The following OR9Q1 variants were observed in gnomAD, a reference collection of about 807,000 sequenced individuals.
The protein encoded by OR9Q1 is olfactory receptor family 9 subfamily Q member 1.
For synonymous variants in OR9Q1, 153 were observed against 148.6 expected (o/e 1.03, Z -0.22); for missense variants, 374 against 378.8 (o/e 0.99, Z 0.11).
At chr11:58,169,340 G>A (rs941047131) in intron 2 of OR9Q1, among the ~76,000 whole-genome samples, 1 of 152,036 alleles carries the variant, frequency 6.6e-6, no homozygotes, top group South Asian at 2.1e-4. Flanking sequence ...TTGTTTTTAA[G>A]CTCAAATAAA....
In OR9Q1 at chr11:58,168,310, T is replaced by C. The variant is rs17152464; in HGVS notation, c.-14-11121T>C. On this transcript the variant is annotated intron_variant, in intron 2 of 2. Transcript: ENST00000335397. ...GTTAACATTCCTACACATGCTTTTATGTTTTCACTCCATATTTGTGTCTCC... is the reference window on the plus strand; with the variant it reads ...GTTAACATTCCTACACATGCTTTTACGTTTTCACTCCATATTTGTGTCTCC... Among the ~76,000 whole-genome samples, 1,072 of 152,342 alleles carry C rather than the reference T, an allele frequency of 7.0e-3. 10 individuals carry two copies. Among genetic ancestry groups the C allele is most frequent in the African/African-American group, 0.019 (775 of 41,572 alleles).
chr11:58,074,382 T>G lies in OR9Q1; in HGVS notation c.-15+18435T>G, dbSNP rs373069182. On this transcript the variant is annotated intron_variant, in intron 2 of 2. Coordinates refer to ENST00000335397, the MANE Select transcript of OR9Q1 (RefSeq NM_001005212.4). ...CAGTGATGATGAGCTTGTTTTCATA[T>G]GTTTGTTGGCCACATAAATATCTTC... Among the ~76,000 whole-genome samples the G allele has an allele frequency of 6.5e-4, 99 of 152,352 alleles. 3 individuals carry two copies. The South Asian group carries it at 0.019, about 30-fold the overall frequency.
At chr11:58,076,882 T>A (rs1853543254) in intron 2 of OR9Q1, among the ~76,000 whole-genome samples, 1 of 152,184 alleles carries the variant, frequency 6.6e-6, no homozygotes, top group African/African-American at 2.4e-5. Flanking sequence ...TAAATGAATA[T>A]ATGTGAATCC....
intron 2 of OR9Q1, among the ~76,000 whole-genome samples, chr11:58,141,975 C>G (rs1370323173): frequency 6.6e-6 from 1 of 152,144 alleles, no homozygotes; most frequent in African/African-American, 2.4e-5. Flanking sequence ...GTTTTGTAAT[C>G]AGAGAAGGGT....
At chr11:58,065,121 T>C (rs1254947894) in intron 2 of OR9Q1, among the ~76,000 whole-genome samples, 2 of 151,968 alleles carry the variant, frequency 1.3e-5, no homozygotes, top group Non-Finnish European at 2.9e-5. Context: ...ACAGAGGGGC[T>C]ATGGAGTGGA....
intron 1 of OR9Q1, chr11:58,047,488 G>A (rs1410160088): frequency 6.6e-6 from 1 of 152,140 alleles, no homozygotes; most frequent in Non-Finnish European, 1.5e-5. Context: ...CATCTTTGGC[G>A]AAGAAAACCT....
intron 2 of OR9Q1, chr11:58,059,948 C>A (rs1162087263): frequency 2.0e-5 from 3 of 152,134 alleles, no homozygotes; most frequent in Non-Finnish European, 4.4e-5. Context: ...ACTCTCCAGG[C>A]TTCTCTGTAA....
chr11:58,155,588 C>G lies in OR9Q1; in HGVS notation c.-14-23843C>G, dbSNP rs1321265354. 1.9e-4 allele frequency among the ~76,000 whole-genome samples: 29 copies of G among 152,160 alleles called. 1 individual carries two copies. Among genetic ancestry groups the G allele is most frequent in the Admixed American group, 1.8e-3 (28 of 15,274 alleles). On this transcript the variant is annotated intron_variant, in intron 2 of 2. Coordinates refer to ENST00000335397, the MANE Select transcript of OR9Q1 (RefSeq NM_001005212.4). ...TTCCATGAAAGATCCAAGATAGTGT[C>G]TTTAACTTGGGTCTTCTTCCAGTAG...
chr11:58,028,791 G>A (rs769178038), intron 1 of OR9Q1, among the ~76,000 whole-genome samples: 4 of 152,202 alleles, frequency 2.6e-5, no homozygotes, highest in Non-Finnish European at 4.4e-5. Context: ...TAGGCATGGC[G>A]AAGACGCACG....
At chr11:58,169,759 T>A (rs999701217) in intron 2 of OR9Q1, among the ~76,000 whole-genome samples, 3 of 152,154 alleles carry the variant, frequency 2.0e-5, no homozygotes, top group African/African-American at 7.2e-5. Context: ...TCTCCAGGGC[T>A]TTACATATCA....
rs534545878 is a variant in OR9Q1 at position 58,124,858 on chromosome 11, T to C, written c.-14-54573T>C. On this transcript the variant is annotated intron_variant, in intron 2 of 2. Coordinates refer to ENST00000335397, the MANE Select transcript of OR9Q1 (RefSeq NM_001005212.4). ...CATTTATCGAACATCTTCTCTGCGCTGATCACAATACTATGCATTGTAGAC... is the reference window on the plus strand; with the variant it reads ...CATTTATCGAACATCTTCTCTGCGCCGATCACAATACTATGCATTGTAGAC... Among the ~76,000 whole-genome samples the C allele has an allele frequency of 2.0e-5, 3 of 152,320 alleles. No homozygotes were observed. In the East Asian group the frequency reaches 5.8e-4, roughly 29 times the overall value.
chr11:58,167,085 T>C (rs867211949), intron 2 of OR9Q1, among the ~76,000 whole-genome samples: 1 of 152,222 alleles, frequency 6.6e-6, no homozygotes, highest in Admixed American at 6.5e-5. Flanking sequence ...ATTGGCTTCC[T>C]TATTACCTTC....
At chr11:58,165,617 G>T (rs1448241918) in intron 2 of OR9Q1, among the ~76,000 whole-genome samples, 1 of 152,170 alleles carries the variant, frequency 6.6e-6, no homozygotes, top group Admixed American at 6.5e-5. Context: ...CAATAGGGCA[G>T]GATCCATGTG....
intron 2 of OR9Q1, among the ~76,000 whole-genome samples, chr11:58,096,148 C>T (rs1365509348): frequency 5.0e-5 from 7 of 138,796 alleles, no homozygotes; most frequent in African/African-American, 1.8e-4. Flanking sequence ...CTCTTCCTTT[C>T]CCTTTTTTTT....
In OR9Q1 at chr11:58,102,648, C is replaced by T. The variant is rs919030873; in HGVS notation, c.-15+46701C>T. On this transcript the variant is annotated intron_variant, in intron 2 of 2. Transcript: ENST00000335397. The stretch of plus-strand genomic sequence containing the variant: ...TCTGAGAAGTCTTCTGTTAGTGGAA[C>T]GGGGATTCCCTTATATGTGACTTGA... Among the ~76,000 whole-genome samples, 26 of 151,816 alleles carry T rather than the reference C, an allele frequency of 1.7e-4. No homozygotes were observed. In the Middle Eastern group the frequency reaches 0.014, roughly 79 times the overall value.
chr11:58,075,009 C>G (rs555752409), intron 2 of OR9Q1, among the ~76,000 whole-genome samples: 19 of 152,194 alleles, frequency 1.2e-4, no homozygotes, highest in African/African-American at 4.3e-4. Context: ...GTTACTGTAG[C>G]CTTGTAGTAT....
rs113032191 is a variant in OR9Q1, at chr11:58,172,688, G to A, written c.-14-6743G>A. On this transcript the variant is annotated intron_variant, in intron 2 of 2. Transcript: ENST00000335397. ...GTAAGATTTTTTTTAAAAAAATGTT[G>A]TGGGTACATAGTAGGTGTATATATT... 6.0e-3 allele frequency among the ~76,000 whole-genome samples: 909 copies of A among 152,214 alleles called. 11 individuals carry two copies. The highest frequency in any genetic ancestry group is 0.021 in the African/African-American group (869 of 41,526).
chr11:58,065,112 CAG>C (rs1478752194), intron 2 of OR9Q1, among the ~76,000 whole-genome samples: 3 of 152,184 alleles, frequency 2.0e-5, no homozygotes, highest in African/African-American at 4.8e-5. Context: ...AGACACCTGA[CAG>C]AGGGGCTATG....
chr11:58,121,876 C>A (rs910038937), intron 2 of OR9Q1, among the ~76,000 whole-genome samples: 2 of 152,148 alleles, frequency 1.3e-5, no homozygotes, highest in Non-Finnish European at 2.9e-5. Context: ...TGCCTCCACA[C>A]CCCTGTAAAG....
Sources: allele counts gnomAD v4.1 joint callset (sites outside exome capture counted in the v4.1 genomes callset), GRCh38; gene constraint gnomAD v4.1.1; transcripts MANE v1.5; gene names NCBI Gene and HGNC (gene_info 2026-07-23, HGNC 2026-07-21).